ARHGEF11: variants seen among roughly 807,000 people sequenced by gnomAD.
ARHGEF11 encodes Rho guanine nucleotide exchange factor 11, also known as Rho guanine exchange factor (GEF) 11.
A neutral mutation model predicts 193.7 loss-of-function variants in ARHGEF11; 55 were observed. The ratio of observed to expected loss-of-function variants is 0.28; its 90% confidence interval spans 0.23 to 0.36. The LOEUF (loss-of-function observed/expected upper bound fraction) is 0.36. ARHGEF11 is among the 10% of genes least tolerant of loss of function. The pLI, the probability that ARHGEF11 is intolerant of heterozygous loss-of-function variation, is 1.00. For missense variants in ARHGEF11, 1,723 were observed against 2,005.6 expected, an observed-to-expected ratio of 0.86 and a Z score of 2.69; for synonymous variants, 693 against 768.0, an observed-to-expected ratio of 0.90 and a Z score of 1.62.
chr1:156,956,457 T>C lies in ARHGEF11; in HGVS notation c.1634A>G (p.Lys545Arg), dbSNP rs751015653. The change falls in exon 19 of 41, where the codon AAG (lysine) becomes AGG (arginine). Residue 545 changes from lysine (K) to arginine (R), a missense_variant. Lys to Arg is a conservative substitution (Grantham distance 26, BLOSUM62 2). Coordinates refer to ENST00000368194, the MANE Select transcript of ARHGEF11 (RefSeq NM_198236.3). ...TAEKAQSAPD[K>R]DKWLPFFPKT... ...AGGGAAGAACGGTAGCCACTTGTCCTTGTCAGGAGCAGACTGGGCCTTTTC... is the reference window on the plus strand; with the variant it reads ...AGGGAAGAACGGTAGCCACTTGTCCCTGTCAGGAGCAGACTGGGCCTTTTC... The C allele has an allele frequency of 1.9e-6, 3 of 1,614,162 alleles. No individual in the cohort carries two copies. Among genetic ancestry groups the C allele is most frequent in the Non-Finnish European group, 2.5e-6 (3 of 1,180,012 alleles).
At chr1:157,037,325 T>C (rs1335501042) in intron 1 of ARHGEF11, among the ~76,000 whole-genome samples, 3 of 152,282 alleles carry the variant, frequency 2.0e-5, no homozygotes, top group East Asian at 3.9e-4. Flanking sequence ...CTGCTCTATA[T>C]ATTAATATCA....
chr1:156,973,478 T>G (rs1410698540), intron 7 of ARHGEF11, among the ~76,000 whole-genome samples: 2 of 152,324 alleles, frequency 1.3e-5, no homozygotes, highest in East Asian at 3.9e-4. Context: ...TCTCTTTCGG[T>G]CATCCAGTCC....
intron 1 of ARHGEF11, among the ~76,000 whole-genome samples, chr1:157,043,229 A>C (rs1219060639): frequency 6.6e-6 from 1 of 152,190 alleles, no homozygotes; most frequent in Non-Finnish European, 1.5e-5. Context: ...ATTCTTCCCT[A>C]TCTCTCCAAT....
At chr1:157,040,385 C>T (rs966735247) in intron 1 of ARHGEF11, among the ~76,000 whole-genome samples, 1 of 152,226 alleles carries the variant, frequency 6.6e-6, no homozygotes, top group Non-Finnish European at 1.5e-5. Flanking sequence ...AGACCCCTGA[C>T]AGAGAACAGT....
intron 18 of ARHGEF11, 93 bp downstream of exon 18, chr1:156,957,699 C>T (rs1660165931): frequency 3.0e-6 from 4 of 1,354,250 alleles, no homozygotes; most frequent in Non-Finnish European, 4.2e-6. Flanking sequence ...ACATGAGGGA[C>T]TCCCCTGTGA....
intron 17 of ARHGEF11, 28 bp from the exon 18 acceptor site, chr1:156,957,843 C>T: frequency 6.2e-7 from 1 of 1,613,642 alleles, no homozygotes; most frequent in African/African-American, 1.3e-5. Flanking sequence ...ACAGATGACT[C>T]AGACTGCAAA....
intron 21 of ARHGEF11, among the ~76,000 whole-genome samples, chr1:156,952,456 A>G (rs1047180499): frequency 6.6e-6 from 1 of 152,188 alleles, no homozygotes; most frequent in African/African-American, 2.4e-5. Flanking sequence ...CTTCAAGTCA[A>G]CTAGCTCAGT....
At chr1:156,976,795 G>T (rs191594581) in intron 7 of ARHGEF11, among the ~76,000 whole-genome samples, 188 bp downstream of exon 7, 3 of 152,066 alleles carry the variant, frequency 2.0e-5, no homozygotes, top group Admixed American at 6.5e-5. Context: ...CACTTTATTG[G>T]TGAAATTCTG....
intron 1 of ARHGEF11, among the ~76,000 whole-genome samples, chr1:156,998,912 T>C (rs535915913): frequency 6.6e-6 from 1 of 152,322 alleles, no homozygotes; most frequent in East Asian, 1.9e-4. Flanking sequence ...AATTCTGCCA[T>C]TTACTAGCTG....
In ARHGEF11 at chr1:156,948,457, T is replaced by C. The variant is rs774459605; in HGVS notation, c.1967A>G (p.Lys656Arg). Residue 656 changes from lysine (K) to arginine (R), a missense_variant, in exon 23 of 41, where the codon AAG (lysine) becomes AGG (arginine). By Grantham distance (26) the Lys-to-Arg change is conservative. Transcript: ENST00000368194. This position sits in a 1 kb window ranked among gnomAD's most constrained non-coding sequence, Gnocchi z 4.2. ...AGACCGTTTCATCTCTTCCCGGCCC[T>C]TGAGGCTTTCAGAGCGGCCCAGGCG... ...EIRLGRSESL[K>R]GREEMKRSRK... The C allele has an allele frequency of 6.2e-7, 1 of 1,614,098 alleles. No homozygotes were observed. The highest frequency in any genetic ancestry group is 8.5e-7 in the Non-Finnish European group (1 of 1,180,044).
At chr1:157,017,697 A>T (rs1418379702) in intron 1 of ARHGEF11, among the ~76,000 whole-genome samples, 1 of 126,440 alleles carries the variant, frequency 7.9e-6, no homozygotes, top group Non-Finnish European at 1.6e-5. Flanking sequence ...ACAGAGTGAG[A>T]CTCCGTCTCA....
chr1:156,961,557 G>A (rs1463873345), intron 14 of ARHGEF11, 120 bp downstream of exon 14: 2 of 814,644 alleles, frequency 2.5e-6, no homozygotes, highest in East Asian at 5.0e-5. Flanking sequence ...TAATCTCTCA[G>A]CCTAGATTTC....
chr1:156,982,440 T>A (rs1204743096), intron 3 of ARHGEF11, among the ~76,000 whole-genome samples: 1 of 152,190 alleles, frequency 6.6e-6, no homozygotes, highest in Non-Finnish European at 1.5e-5. Context: ...AAACCTAATA[T>A]GTATCTGGAA....
chr1:156,936,498 ATAT>A (rs1372543437), intron 40 of ARHGEF11, among the ~76,000 whole-genome samples: 26 of 35,428 alleles, frequency 7.3e-4, no homozygotes, highest in African/African-American at 3.3e-3. Flanking sequence ...AAAAAAAAAA[ATAT>A]ATATATATAT....
intron 1 of ARHGEF11, among the ~76,000 whole-genome samples, chr1:157,014,867 G>A (rs1194408703): frequency 2.0e-5 from 3 of 152,032 alleles, no homozygotes; most frequent in East Asian, 3.9e-4. Context: ...TCCTTCTTAG[G>A]AGACAGTGCG....
At position 157,011,857 on chromosome 1, in the gene ARHGEF11, G is replaced by A. The variant is rs564198983; in HGVS notation, c.33-25684C>T. ...AGTGTTGGTGAGGATGTGGAGAAAT[G>A]AGAAGCTTAATACATTGCTGGTGGG... is the stretch of plus-strand genomic sequence containing the variant. On this transcript the variant is annotated intron_variant, in intron 1 of 40. Transcript: ENST00000368194. 6.0e-4 allele frequency among the ~76,000 whole-genome samples: 92 copies of A among 152,280 alleles called. 2 individuals are homozygous for A. The South Asian group carries it at 0.018, about 31-fold the overall frequency.
In ARHGEF11 at chr1:156,939,868, C is replaced by G; in HGVS notation, c.3776G>C (p.Gly1259Ala). 6.2e-7 allele frequency: 1 copy of G among 1,610,174 alleles called. No homozygotes were observed. The highest frequency in any genetic ancestry group is 1.1e-5 in the South Asian group (1 of 91,066). The change falls in exon 37 of 41, where the codon GGT (glycine) becomes GCT (alanine). Residue 1259 changes from glycine to alanine, a missense_variant. By Grantham distance (60) the Gly-to-Ala change is moderately conservative. Coordinates refer to ENST00000368194, the MANE Select transcript of ARHGEF11 (RefSeq NM_198236.3). ...GGCAGCCTGAGTTTCCATGGTGTGACCTGGCAGCAGGCTCCACAGGATCAG... is the reference window on the plus strand; with the variant it reads ...GGCAGCCTGAGTTTCCATGGTGTGAGCTGGCAGCAGGCTCCACAGGATCAG... ...RHLILWSLLP[G>A]HTMETQAAQE...
rs765386556 is a variant in ARHGEF11 at position 156,937,009 on chromosome 1, G to A, written c.4441-4C>T. ...CTCTGTGGGCCAGCTCCATATCCTG[G>A]AAGAGTCGGCGGGGGAATGTCTGCT... On this transcript the variant is annotated splice_polypyrimidine_tract_variant and splice_region_variant and intron_variant, in intron 39 of 40. Transcript: ENST00000368194. 6.2e-7 allele frequency: 1 copy of A among 1,611,470 alleles called. No individual in the cohort carries two copies. Among genetic ancestry groups the A allele is most frequent in the Middle Eastern group, 1.7e-4 (1 of 6,042 alleles).
chr1:156,936,006 T>C lies in ARHGEF11; in HGVS notation c.4683A>G (p.Gly1561=). ...DSTADAAASP[G]P ...GATTTGGTGGTTTGTACGGTTATGG[T>C]CCTGGTGACGCGGCTGCGTCTGCTG... The change falls in exon 41 of 41, where the codon GGA becomes GGG. Residue 1561 remains glycine, a synonymous_variant. Coordinates refer to ENST00000368194, the MANE Select transcript of ARHGEF11 (RefSeq NM_198236.3). The C allele has an allele frequency of 1.9e-6, 3 of 1,613,398 alleles. No individual in the cohort carries two copies. In the South Asian group the frequency reaches 3.3e-5, roughly 18 times the overall value.
Sources: allele counts gnomAD v4.1 joint callset (sites outside exome capture counted in the v4.1 genomes callset), GRCh38; gene constraint gnomAD v4.1.1; non-coding constraint Gnocchi (gnomAD v3.1); transcripts MANE v1.5; gene names NCBI Gene and HGNC (gene_info 2026-07-23, HGNC 2026-07-21).